PRRC2B: variants seen among roughly 807,000 people sequenced by gnomAD.
PRRC2B encodes proline rich coiled-coil 2B, also known as protein PRRC2B.
Under a neutral mutation model 242.3 loss-of-function variants are expected in PRRC2B, and 68 were observed. That is an observed-to-expected ratio of 0.28 (90% CI 0.23 to 0.34). PRRC2B has a LOEUF of 0.34. PRRC2B is among the 10% of genes least tolerant of loss of function. The pLI is 1.00. For missense variants in PRRC2B, 2,835 were observed against 2,954.8 expected, an observed-to-expected ratio of 0.96 and a Z score of 0.94; for synonymous variants, 1,228 against 1,173.6, an observed-to-expected ratio of 1.05 and a Z score of -0.95.
At chr9:131,419,826 C>T (rs1196910634) in intron 1 of PRRC2B, among the ~76,000 whole-genome samples, 6 of 142,490 alleles carry the variant, frequency 4.2e-5, no homozygotes, top group African/African-American at 1.3e-4. Flanking sequence ...GGCTGGGTGG[C>T]GGCGTGGGGC....
chr9:131,379,930 T>C (rs1836734102), intron 1 of PRRC2B, among the ~76,000 whole-genome samples: 1 of 151,072 alleles, frequency 6.6e-6, no homozygotes, highest in African/African-American at 2.4e-5. Context: ...AGCCAGCCTT[T>C]TTTTTTTCAG....
intron 12 of PRRC2B, among the ~76,000 whole-genome samples, chr9:131,465,855 G>T (rs1943381773): frequency 6.6e-6 from 1 of 152,186 alleles, no homozygotes; most frequent in South Asian, 2.1e-4. Flanking sequence ...CTCCTGAGCT[G>T]CTGGGATTAC....
At chr9:131,442,451 A>C (rs144753825) in intron 5 of PRRC2B, among the ~76,000 whole-genome samples, 2 of 152,146 alleles carry the variant, frequency 1.3e-5, no homozygotes, top group Admixed American at 1.3e-4. Flanking sequence ...AGAGCACTGG[A>C]GCTCCTTCAT....
intron 8 of PRRC2B, among the ~76,000 whole-genome samples, 187 bp from the exon 9 acceptor site, chr9:131,447,475 C>T (rs960415380): frequency 2.0e-5 from 3 of 152,168 alleles, no homozygotes; most frequent in Admixed American, 1.3e-4. Context: ...TGTAAAACTG[C>T]AGGACAAGGC....
Position 131,477,815 on chromosome 9 carries a change from T to C in PRRC2B, c.4478T>C (p.Leu1493Pro). The C allele has an allele frequency of 6.2e-7, 1 of 1,611,762 alleles. No individual in the cohort carries two copies. Among genetic ancestry groups the C allele is most frequent in the South Asian group, 1.1e-5 (1 of 91,008 alleles). Residue 1493 changes from leucine (L) to proline (P), a missense_variant, in exon 17 of 32, where the codon CTG (leucine) becomes CCG (proline). Physicochemically the swap from Leu to Pro is moderately conservative, Grantham distance 98 (BLOSUM62 -3). Around this residue, in one of 7 missense-constraint regions of PRRC2B, gnomAD observed 1,536 missense variants for 1,483.1 expected, o/e 1.04. Coordinates refer to ENST00000683519, the MANE Select transcript of PRRC2B (RefSeq NM_013318.4). ...SSGSGHSPYA[L>P]ERAAHASADL... Reference sequence around the variant, plus strand: ...GGGAGTGGCCACTCCCCCTATGCCCTGGAGCGGGCAGCCCATGCCAGTGCT... The same window carrying C: ...GGGAGTGGCCACTCCCCCTATGCCCCGGAGCGGGCAGCCCATGCCAGTGCT...
intron 5 of PRRC2B, among the ~76,000 whole-genome samples, chr9:131,442,847 G>A (rs536556936): frequency 1.3e-5 from 2 of 152,302 alleles, no homozygotes; most frequent in East Asian, 3.9e-4. Flanking sequence ...GAACCTCTGT[G>A]CTAAGTTTTC....
At chr9:131,415,250 C>G (rs922640119) in intron 1 of PRRC2B, among the ~76,000 whole-genome samples, 2 of 152,226 alleles carry the variant, frequency 1.3e-5, no homozygotes, top group African/African-American at 4.8e-5. Flanking sequence ...CCGCCTTGGC[C>G]TCCCAAAGTG....
rs1209709182 is a variant in PRRC2B, at chr9:131,500,108, T to G, written c.*4234T>G. 1 of 152,232 alleles carries G rather than the reference T, an allele frequency of 6.6e-6. No individual in the cohort carries two copies. Among genetic ancestry groups the G allele is most frequent in the African/African-American group, 2.4e-5 (1 of 41,450 alleles). 9.4% of individuals were successfully genotyped at this position (152,232 alleles called of 1,614,324 possible). ...CCCTTTCCCTCCGGTTCAGTACCTA[T>G]TGTTTCTCCTTTCAAATATGTGATT... On this transcript the variant is annotated 3_prime_UTR_variant, in exon 32 of 32. Transcript: ENST00000683519.
upstream of PRRC2B, among the ~76,000 whole-genome samples, chr9:131,391,839 C>G (rs1476210848): frequency 6.6e-6 from 1 of 151,390 alleles, no homozygotes; most frequent in Non-Finnish European, 1.5e-5. Flanking sequence ...CTCCTGGGTT[C>G]AAGTGATTCT....
At chr9:131,463,095 G>T (rs72772616) in intron 11 of PRRC2B, among the ~76,000 whole-genome samples, 1,531 of 152,224 alleles carry the variant, frequency 0.01, 22 homozygotes, top group Non-Finnish European at 0.013. Flanking sequence ...TATGAGCCAT[G>T]AACTGATCAA....
Position 131,495,860 on chromosome 9 carries a change from G to A in PRRC2B, c.6676G>A (p.Glu2226Lys), listed in dbSNP as rs1470597196. The A allele has an allele frequency of 1.9e-6, 3 of 1,608,808 alleles. No individual in the cohort carries two copies. The African/African-American group carries it at 4.0e-5, about 21-fold the overall frequency. ...AIKPRAVKVE[E>K]SKA Reference sequence around the variant, plus strand: ...CAAGCCTCGGGCTGTCAAAGTGGAGGAGAGTAAGGCCTGACAGTGCCTGGC... The same window carrying A: ...CAAGCCTCGGGCTGTCAAAGTGGAGAAGAGTAAGGCCTGACAGTGCCTGGC... The change falls in exon 32 of 32, where the codon GAG becomes AAG. Residue 2226 changes from glutamate (E) to lysine (K), a missense_variant. By Grantham distance (56) the Glu-to-Lys change is moderately conservative. This residue lies in a region of PRRC2B where 574 missense variants were observed against 626.0 expected (regional missense o/e 0.92). Transcript: ENST00000683519.
chr9:131,483,166 A>G lies in PRRC2B; in HGVS notation c.5374-193A>G, dbSNP rs866108263. ...GTCAGGCCACCCAAGGGACAGGGAGAAAGAAGTGAGGCTGGCGTCCTGTCT... is the reference window on the plus strand; with the variant it reads ...GTCAGGCCACCCAAGGGACAGGGAGGAAGAAGTGAGGCTGGCGTCCTGTCT... On this transcript the variant is annotated intron_variant, in intron 22 of 31. Coordinates refer to ENST00000683519, the MANE Select transcript of PRRC2B (RefSeq NM_013318.4). 2.6e-5 allele frequency among the ~76,000 whole-genome samples: 4 copies of G among 152,134 alleles called. No individual in the cohort carries two copies. The South Asian group carries it at 8.3e-4, about 32-fold the overall frequency.
At chr9:131,374,079 C>T (rs1307999207) in intron 1 of PRRC2B, among the ~76,000 whole-genome samples, 1 of 145,290 alleles carries the variant, frequency 6.9e-6, no homozygotes, top group Non-Finnish European at 1.5e-5. Flanking sequence ...AAAAAAAAAT[C>T]GCTCGTCTAC....
In PRRC2B at chr9:131,477,971, AG is replaced by A. The variant is rs769297897; in HGVS notation, c.4612+26del. The A allele has an allele frequency of 3.1e-6, 5 of 1,606,776 alleles. No homozygotes were observed. In the South Asian group the frequency reaches 5.5e-5, roughly 18 times the overall value. ...GGAAGTAAGTCATCCTCATATCTTC[AG>A]GGGAAAGAACTCAGGCAGAACCAGG... On this transcript the variant is annotated intron_variant, in intron 17 of 31. Transcript: ENST00000683519.
rs1944043822 is a variant in PRRC2B at position 131,487,089 on chromosome 9, G to C, written c.5857-78G>C. The C allele has an allele frequency of 7.6e-7, 1 of 1,317,380 alleles. No individual in the cohort carries two copies. Among genetic ancestry groups the C allele is most frequent in the African/African-American group, 1.4e-5 (1 of 69,214 alleles). The allele number at this position is 1,317,380 out of a possible 1,614,324, so 81.6% of individuals were successfully genotyped here. ...GTGTTCCAGCAGCCATGTGGAGAGG[G>C]GCAGGGGAGGTGGGAGGGGAAGAAC... is the stretch of plus-strand genomic sequence containing the variant. On this transcript the variant is annotated intron_variant, in intron 26 of 31. Transcript: ENST00000683519. The surrounding 1 kb of genome is among the most constrained non-coding windows in gnomAD (Gnocchi z 5.3).
intron 1 of PRRC2B, among the ~76,000 whole-genome samples, chr9:131,385,531 C>T (rs1003507838): frequency 2.0e-5 from 3 of 150,264 alleles, no homozygotes; most frequent in Non-Finnish European, 3.0e-5. Flanking sequence ...AGTCCTGGCT[C>T]GGCTACCCAT....
intron 28 of PRRC2B, among the ~76,000 whole-genome samples, chr9:131,489,968 A>G (rs1944140532): frequency 6.6e-6 from 1 of 151,634 alleles, no homozygotes; most frequent in Non-Finnish European, 1.5e-5. Flanking sequence ...CCAGTCTGTA[A>G]TGGTCAGCAT....
intron 1 of PRRC2B, among the ~76,000 whole-genome samples, chr9:131,411,998 C>T (rs941952283): frequency 4.0e-5 from 6 of 150,994 alleles, no homozygotes; most frequent in African/African-American, 7.3e-5. Flanking sequence ...GTAGAGATGG[C>T]GTCTTGCTGT....
At chr9:131,424,570 C>A (rs979832256) in intron 1 of PRRC2B, among the ~76,000 whole-genome samples, 3 of 152,044 alleles carry the variant, frequency 2.0e-5, no homozygotes, top group Non-Finnish European at 4.4e-5. Flanking sequence ...CCTGTAATCC[C>A]AGCTACTCGG....
Sources: gnomAD v4.1 joint callset for allele counts (sites outside exome capture counted in the v4.1 genomes callset) on GRCh38, gnomAD v4.1.1 for gene constraint, gnomAD v4.1.1 regional missense constraint, Gnocchi (gnomAD v3.1) non-coding constraint, MANE v1.5 for transcripts, NCBI Gene and HGNC (gene_info 2026-07-23, HGNC 2026-07-21) for gene names.